PCCA: variants seen among roughly 807,000 people sequenced by gnomAD.
PCCA encodes propionyl-CoA carboxylase alpha chain, mitochondrial.
Under a neutral mutation model 101.3 loss-of-function variants are expected in PCCA, and 74 were observed. The observed-to-expected ratio is 0.73, with a 90% CI of 0.61 to 0.89. PCCA has a LOEUF of 0.89. Among genes scored for constraint, PCCA ranks in the 40% least tolerant of loss-of-function variants. PCCA has a pLI of 0.00. For synonymous variants in PCCA, 294 were observed against 313.6 expected, an observed-to-expected ratio of 0.94 and a Z score of 0.66; for missense variants, 891 against 907.0, an observed-to-expected ratio of 0.98 and a Z score of 0.23.
chr13:100,161,198 T>C (rs1329552145), intron 6 of PCCA: 1 of 152,200 alleles, frequency 6.6e-6, no homozygotes, highest in Non-Finnish European at 1.5e-5. Context: ...ACCTTTTAAA[T>C]AGCTGTGGCA....
At chr13:100,261,485 T>A (rs1036772097) in intron 9 of PCCA, among the ~76,000 whole-genome samples, 1 of 151,968 alleles carries the variant, frequency 6.6e-6, no homozygotes, top group Non-Finnish European at 1.5e-5. Flanking sequence ...CCTGCTTCAG[T>A]CTCCTGAGTA....
chr13:100,308,100 G>T lies in PCCA; in HGVS notation c.1353+840G>T, dbSNP rs189742264. Among the ~76,000 whole-genome samples, 143 of 152,190 alleles carry T rather than the reference G, an allele frequency of 9.4e-4. 1 individual carries two copies. Among genetic ancestry groups the T allele is most frequent in the African/African-American group, 3.2e-3 (131 of 41,534 alleles). On this transcript the variant is annotated intron_variant, in intron 15 of 23. Transcript: ENST00000376285. ...CATCTCCTGACCTCGTGATCCGCCCGCCTCGGCCTCCCAAAGTTCTGGGAT... is the reference window on the plus strand; with the variant it reads ...CATCTCCTGACCTCGTGATCCGCCCTCCTCGGCCTCCCAAAGTTCTGGGAT...
chr13:100,126,640 C>A (rs1230675631), intron 4 of PCCA, among the ~76,000 whole-genome samples: 1 of 151,990 alleles, frequency 6.6e-6, no homozygotes, highest in Non-Finnish European at 1.5e-5. Flanking sequence ...AGGAAACTAT[C>A]TATTAGAAAT....
chr13:100,266,641 A>G (rs1440078038), intron 10 of PCCA, among the ~76,000 whole-genome samples: 1 of 152,160 alleles, frequency 6.6e-6, no homozygotes, highest in African/African-American at 2.4e-5. Flanking sequence ...TAAGAAGTAT[A>G]TGTGTGTATG....
At chr13:100,387,537 T>A (rs975251248) in intron 19 of PCCA, among the ~76,000 whole-genome samples, 82 of 152,196 alleles carry the variant, frequency 5.4e-4, no homozygotes, top group African/African-American at 1.9e-3. Flanking sequence ...AGTAACCTGA[T>A]GTACCAATGT....
intron 22 of PCCA, among the ~76,000 whole-genome samples, chr13:100,524,836 C>G (rs2087620304): frequency 6.6e-6 from 1 of 152,156 alleles, no homozygotes; most frequent in Non-Finnish European, 1.5e-5. Flanking sequence ...TGTGCCGCTG[C>G]ACTCCAGCCT....
rs56930135 is a variant in PCCA, at chr13:100,452,653, A to ATT, written c.1899+3354_1899+3355dup. Among the ~76,000 whole-genome samples the ATT allele has an allele frequency of 6.6e-3, 999 of 151,660 alleles. 14 individuals carry two copies. Among genetic ancestry groups the ATT allele is most frequent in the African/African-American group, 0.023 (960 of 41,372 alleles). On this transcript the variant is annotated intron_variant, in intron 21 of 23. Transcript: ENST00000376285. ...TCCCCCTCGCCCACTTTATTTATTT[A>ATT]TTTTTTTCATTAGCAGTTACCACTG...
chr13:100,500,794 C>A (rs1241926786), intron 21 of PCCA, among the ~76,000 whole-genome samples: 5 of 152,166 alleles, frequency 3.3e-5, no homozygotes. Context: ...CAAAACACTC[C>A]CCAAATCTTG....
intron 10 of PCCA, among the ~76,000 whole-genome samples, chr13:100,263,952 CTGTA>C (rs1454573219): frequency 1.3e-5 from 2 of 149,460 alleles, no homozygotes; most frequent in East Asian, 2.0e-4. Flanking sequence ...TATACGGTAT[CTGTA>C]TGTCATATAT....
intron 6 of PCCA, among the ~76,000 whole-genome samples, chr13:100,190,420 C>T (rs975394843): frequency 1.3e-5 from 2 of 152,306 alleles, no homozygotes; most frequent in South Asian, 2.1e-4. Context: ...TGGTGGCTCA[C>T]GCATGTAATC....
intron 18 of PCCA, among the ~76,000 whole-genome samples, chr13:100,361,693 TATG>T (rs1419188057): frequency 2.6e-5 from 4 of 152,144 alleles, no homozygotes; most frequent in Non-Finnish European, 5.9e-5. Context: ...TACATGAAAC[TATG>T]ATAAGATGCG....
intron 21 of PCCA, among the ~76,000 whole-genome samples, chr13:100,469,694 C>T (rs1308346223): frequency 3.3e-5 from 5 of 151,848 alleles, no homozygotes; most frequent in Admixed American, 2.6e-4. Context: ...GCAGGAGAAT[C>T]GCTTGAAACC....
intron 19 of PCCA, among the ~76,000 whole-genome samples, chr13:100,392,200 G>GGGAAGGAA (rs146665311): frequency 9.2e-5 from 14 of 152,016 alleles, no homozygotes; most frequent in African/African-American, 3.1e-4. Context: ...AGAGGAGTTG[G>GGGAAGGAA]GGAAGGAAGG....
intron 21 of PCCA, among the ~76,000 whole-genome samples, chr13:100,504,642 G>A (rs2085928310): frequency 6.6e-6 from 1 of 152,102 alleles, no homozygotes; most frequent in South Asian, 2.1e-4. Context: ...CTTCATACAA[G>A]AATTCACTTA....
At chr13:100,227,302 C>T (rs2060201033) in intron 7 of PCCA, among the ~76,000 whole-genome samples, 1 of 152,164 alleles carries the variant, frequency 6.6e-6, no homozygotes, top group Admixed American at 6.5e-5. Flanking sequence ...AACTGCAAGG[C>T]TTGGTTACCC....
intron 16 of PCCA, among the ~76,000 whole-genome samples, chr13:100,323,137 C>T (rs1046428933): frequency 4.6e-5 from 7 of 152,230 alleles, no homozygotes; most frequent in Admixed American, 2.6e-4. Flanking sequence ...GCTGTTACAA[C>T]ATGAAAACAG....
At chr13:100,172,554 C>T (rs149137566) in intron 6 of PCCA, among the ~76,000 whole-genome samples, 228 of 152,132 alleles carry the variant, frequency 1.5e-3, no homozygotes, top group African/African-American at 5.2e-3. Context: ...TCATTCCTGC[C>T]GTCATCATCC....
At chr13:100,440,436 A>C (rs527305236) in intron 20 of PCCA, among the ~76,000 whole-genome samples, 1 of 151,700 alleles carries the variant, frequency 6.6e-6, no homozygotes, top group African/African-American at 2.4e-5. Flanking sequence ...CTTGAGAGGA[A>C]GTTAAAAATG....
intron 4 of PCCA, among the ~76,000 whole-genome samples, chr13:100,119,448 A>G (rs1485882555): frequency 6.6e-6 from 1 of 152,192 alleles, no homozygotes; most frequent in Non-Finnish European, 1.5e-5. Flanking sequence ...CACACCCTCC[A>G]GGGTATCACT....
Sources: allele counts gnomAD v4.1 joint callset (sites outside exome capture counted in the v4.1 genomes callset), GRCh38; gene constraint gnomAD v4.1.1; transcripts MANE v1.5; gene names NCBI Gene and HGNC (gene_info 2026-07-23, HGNC 2026-07-21).